Variants in COBLL1 observed in about 807,000 individuals in gnomAD.
COBLL1 encodes cordon-bleu WH2 repeat protein like 1.
In COBLL1, 50 loss-of-function variants were observed where a neutral mutation model predicts 94.8. That is an observed-to-expected ratio of 0.53 (90% CI 0.42 to 0.67). COBLL1 has a LOEUF of 0.67. COBLL1 is among the 30% of genes least tolerant of loss of function. The probability of loss-of-function intolerance (pLI) is 0.00; values close to 1 mark genes in which losing one functional copy is unlikely to be tolerated. For missense variants in COBLL1, 1,362 were observed against 1,348.7 expected (o/e 1.01, Z -0.15); for synonymous variants, 448 against 473.8 (o/e 0.95, Z 0.71).
At chr2:164,758,461 C>T (rs1041507085) in intron 2 of COBLL1, among the ~76,000 whole-genome samples, 10 of 152,072 alleles carry the variant, frequency 6.6e-5, no homozygotes, top group African/African-American at 2.4e-4. Context: ...AACCATGTCC[C>T]AATGCTCACT....
At position 164,751,915 on chromosome 2, in the gene COBLL1, G is replaced by A. The variant is rs149151041; in HGVS notation, c.42-8040C>T. Among the ~76,000 whole-genome samples the A allele has an allele frequency of 1.1e-3, 161 of 152,196 alleles. 2 individuals are homozygous for A. The highest frequency in any genetic ancestry group is 3.4e-3 in the African/African-American group (143 of 41,506). ...TGAAGCCATGTAATCTGTGGGACAG[G>A]ACTCAAATCTGTAGCTTCCTTTGAC... On this transcript the variant is annotated intron_variant, in intron 2 of 13. Transcript: ENST00000652658.
In COBLL1 at chr2:164,769,681, A is replaced by G. The variant is rs537203805; in HGVS notation, c.42-25806T>C. Among the ~76,000 whole-genome samples the G allele has an allele frequency of 1.3e-3, 197 of 152,312 alleles. 1 individual carries two copies. The highest frequency in any genetic ancestry group is 2.5e-3 in the Non-Finnish European group (173 of 68,028). Reference sequence around the variant, plus strand: ...CGAGACCAGCCTGGGCAACATAGTTAGATCCTGTCTCAATTTTAAAAAGAG... The same window carrying G: ...CGAGACCAGCCTGGGCAACATAGTTGGATCCTGTCTCAATTTTAAAAAGAG... On this transcript the variant is annotated intron_variant, in intron 2 of 13. Coordinates refer to ENST00000652658, the MANE Select transcript of COBLL1 (RefSeq NM_001365672.2).
At chr2:164,677,454 T>C (rs1691357938), downstream of COBLL1, among the ~76,000 whole-genome samples, 2 of 152,102 alleles carry the variant, frequency 1.3e-5, no homozygotes, top group African/African-American at 4.8e-5. Context: ...AAAGAACTAT[T>C]ATGGGACAAC....
chr2:164,778,781 T>G (rs1288404548), intron 2 of COBLL1, among the ~76,000 whole-genome samples: 1 of 152,050 alleles, frequency 6.6e-6, no homozygotes, highest in Non-Finnish European at 1.5e-5. Context: ...TGATCAATAA[T>G]GCAGGTAAAA....
In COBLL1 at chr2:164,694,745, C is replaced by T. The variant is rs1683820370; in HGVS notation, c.2647G>A (p.Ala883Thr). The T allele has an allele frequency of 1.2e-6, 2 of 1,613,500 alleles. No homozygotes were observed. Among genetic ancestry groups the T allele is most frequent in the Admixed American group, 1.7e-5 (1 of 59,896 alleles). The change falls in exon 12 of 14, where the codon GCA (alanine) becomes ACA (threonine). Residue 883 changes from alanine to threonine, a missense_variant. Physicochemically the swap from Ala to Thr is moderately conservative, Grantham distance 58. Coordinates refer to ENST00000652658, the MANE Select transcript of COBLL1 (RefSeq NM_001365672.2). The part of the protein sequence containing the change: ...KRVSGHYVTS[A>T]AAKSVHAAPN... Reference sequence around the variant, plus strand: ...GCAGCATGGACACTCTTGGCAGCTGCAGATGTCACATAGTGACCCGATACT... The same window carrying T: ...GCAGCATGGACACTCTTGGCAGCTGTAGATGTCACATAGTGACCCGATACT...
chr2:164,660,839 T>C (rs1691058471), intron 2 of COBLL1, among the ~76,000 whole-genome samples: 1 of 152,194 alleles, frequency 6.6e-6, no homozygotes, highest in South Asian at 2.1e-4. Flanking sequence ...AGTGTGCATA[T>C]AAAACATTAC....
At chr2:164,744,639 G>A (rs945873651) in intron 2 of COBLL1, among the ~76,000 whole-genome samples, 2 of 152,164 alleles carry the variant, frequency 1.3e-5, no homozygotes, top group African/African-American at 4.8e-5. Flanking sequence ...GCGCAACATG[G>A]TGAGACCCTA....
intron 2 of COBLL1, among the ~76,000 whole-genome samples, chr2:164,751,430 G>C (rs1263147002): frequency 6.6e-6 from 1 of 152,018 alleles, no homozygotes; most frequent in African/African-American, 2.4e-5. Flanking sequence ...GGTCATATTA[G>C]TTTCATCAGT....
chr2:164,760,661 A>AT (rs1687637245), intron 2 of COBLL1, among the ~76,000 whole-genome samples: 1 of 152,148 alleles, frequency 6.6e-6, no homozygotes, highest in Non-Finnish European at 1.5e-5. Context: ...TGATATTATT[A>AT]TTGGGGGAAA....
chr2:164,688,460 A>G (rs1167289857), intron 13 of COBLL1, among the ~76,000 whole-genome samples: 1 of 152,192 alleles, frequency 6.6e-6, no homozygotes, highest in Non-Finnish European at 1.5e-5. Flanking sequence ...TATCACTTGA[A>G]TGTTTTTGAA....
chr2:164,738,498 G>T (rs1686427898), intron 3 of COBLL1, among the ~76,000 whole-genome samples: 2 of 152,142 alleles, frequency 1.3e-5, no homozygotes, highest in Non-Finnish European at 2.9e-5. Context: ...AGTACTAGCA[G>T]ACACCACTGC....
rs1307876555 is a variant in COBLL1, at chr2:164,805,327, CTCTCTCTCTCTATA to C, written c.41+35815_41+35828del. Among the ~76,000 whole-genome samples the C allele has an allele frequency of 3.3e-3, 87 of 26,468 alleles. 2 individuals carry two copies. The highest frequency in any genetic ancestry group is 5.0e-3 in the South Asian group (4 of 798). The allele number at this position is 26,468 out of a possible 152,430, so 17.4% of individuals were successfully genotyped here. A position where few individuals can be genotyped will look rare whatever the true frequency, so the allele number is the denominator to read the frequency against. ...TCTCTCTCTCTCTCTCTCTCTCTCT[CTCTCTCTCTCTATA>C]TATATATATATATATATATATAAAA... On this transcript the variant is annotated intron_variant, in intron 2 of 13. Transcript: ENST00000652658.
In COBLL1 at chr2:164,666,920, C is replaced by A. The variant is rs1035984250; in HGVS notation, n.127-1019G>T. Among the ~76,000 whole-genome samples, 10 of 152,120 alleles carry A rather than the reference C, an allele frequency of 6.6e-5. No homozygotes were observed. The East Asian group carries it at 1.7e-3, about 26-fold the overall frequency. ...GGTTGGAATCAACTTCTTCCAAACT[C>A]TTTTTAATGTTGCTGTTTTTACTTC... On this transcript the variant is annotated intron_variant and non_coding_transcript_variant, in intron 1 of 2. Coordinates refer to the COBLL1 transcript ENST00000495084.
chr2:164,834,389 A>G (rs1404173374), intron 2 of COBLL1, among the ~76,000 whole-genome samples: 1 of 152,160 alleles, frequency 6.6e-6, no homozygotes, highest in Non-Finnish European at 1.5e-5. Context: ...TTAAAAGTCT[A>G]AAATGTGTGC....
At chr2:164,747,604 C>G (rs761097618) in intron 2 of COBLL1, among the ~76,000 whole-genome samples, 3 of 152,072 alleles carry the variant, frequency 2.0e-5, no homozygotes, top group East Asian at 3.9e-4. Context: ...GTGCCTTAGC[C>G]TCCTGGGTAG....
chr2:164,740,533 C>G (rs1686533373), intron 3 of COBLL1, among the ~76,000 whole-genome samples: 1 of 152,132 alleles, frequency 6.6e-6, no homozygotes, highest in East Asian at 1.9e-4. Context: ...GGACTCATTC[C>G]AAGTGCTTCT....
rs185219613 is a variant in COBLL1 at position 164,669,145 on chromosome 2, C to T, written n.127-3244G>A. On this transcript the variant is annotated intron_variant and non_coding_transcript_variant, in intron 1 of 2. Transcript: ENST00000495084. The stretch of plus-strand genomic sequence containing the variant: ...TTGTTCTCTTTTTTTCCTCATTATC[C>T]GAAAGGGAAGAGTTGATGAACTCAG... 4.5e-4 allele frequency among the ~76,000 whole-genome samples: 68 copies of T among 152,060 alleles called. No homozygotes were observed. In the East Asian group the frequency reaches 7.7e-3, roughly 17 times the overall value.
chr2:164,716,769 T>G (rs1279467281), intron 7 of COBLL1, among the ~76,000 whole-genome samples: 1 of 152,138 alleles, frequency 6.6e-6, no homozygotes, highest in Non-Finnish European at 1.5e-5. Context: ...ATGTGAGCAT[T>G]TTCAGTATAA....
chr2:164,775,197 C>T (rs1688405822), intron 2 of COBLL1, among the ~76,000 whole-genome samples: 1 of 151,944 alleles, frequency 6.6e-6, no homozygotes, highest in African/African-American at 2.4e-5. Flanking sequence ...TTCTTTACCT[C>T]ATAGCCTCTT....
Sources: gnomAD v4.1 joint callset for allele counts (sites outside exome capture counted in the v4.1 genomes callset) on GRCh38, gnomAD v4.1.1 for gene constraint, MANE v1.5 for transcripts, NCBI Gene and HGNC (gene_info 2026-07-23, HGNC 2026-07-21) for gene names.